The following PRRC2B variants were observed in gnomAD, a reference collection of about 807,000 sequenced individuals.
PRRC2B encodes the protein proline rich coiled-coil 2B, also known as protein PRRC2B.
PRRC2B carries 68 observed loss-of-function variants against 242.3 expected under a neutral mutation model. The observed-to-expected ratio is 0.28, with a 90% CI of 0.23 to 0.34. The LOEUF (loss-of-function observed/expected upper bound fraction) is 0.34, where lower values mean the gene tolerates loss of function less well. PRRC2B is among the 10% of genes least tolerant of loss of function. The pLI, the probability that PRRC2B is intolerant of heterozygous loss-of-function variation, is 1.00. For synonymous variants in PRRC2B, 1,228 were observed against 1,173.6 expected, an observed-to-expected ratio of 1.05 and a Z score of -0.95; for missense variants, 2,835 against 2,954.8, an observed-to-expected ratio of 0.96 and a Z score of 0.94.
intron 1 of PRRC2B, among the ~76,000 whole-genome samples, chr9:131,404,117 A>G (rs1264069856): frequency 1.3e-5 from 2 of 152,084 alleles, no homozygotes; most frequent in African/African-American, 2.4e-5. Context: ...CTGCCACACT[A>G]AGTGTTTTAA....
At chr9:131,399,179 A>AG (rs925741678) in intron 1 of PRRC2B, among the ~76,000 whole-genome samples, 27 of 147,622 alleles carry the variant, frequency 1.8e-4, no homozygotes, top group African/African-American at 6.8e-4. Context: ...AGGAGGGGTG[A>AG]GGCTGGAGAA....
Position 131,485,132 on chromosome 9 carries a change from C to A in PRRC2B, c.5750C>A (p.Ser1917Tyr). The change falls in exon 25 of 32, where the codon TCT becomes TAT. Residue 1917 changes from serine (S) to tyrosine (Y), a missense_variant. Around this residue, in one of 7 missense-constraint regions of PRRC2B, gnomAD observed 574 missense variants for 626.0 expected, o/e 0.92. Coordinates refer to ENST00000683519, the MANE Select transcript of PRRC2B (RefSeq NM_013318.4). ...MPVASVAPSA[S>Y]MPGSHLPPLY... ...GTGGCCTCTGTAGCACCTTCTGCTT[C>A]TATGCCAGGTATCTCATCCCCTGAG... is the stretch of plus-strand genomic sequence containing the variant. 6.3e-7 allele frequency: 1 copy of A among 1,583,808 alleles called. No individual in the cohort carries two copies. The highest frequency in any genetic ancestry group is 2.3e-5 in the East Asian group (1 of 43,612).
chr9:131,395,992 T>A (rs1254296378), intron 1 of PRRC2B, among the ~76,000 whole-genome samples: 1 of 152,196 alleles, frequency 6.6e-6, no homozygotes, highest in African/African-American at 2.4e-5. Context: ...TCTACTTGTT[T>A]GGGCAAGTGT....
chr9:131,463,363 T>C (rs1448657604), intron 11 of PRRC2B, among the ~76,000 whole-genome samples: 1 of 152,208 alleles, frequency 6.6e-6, no homozygotes, highest in Middle Eastern at 3.2e-3. Context: ...GCCTAGATCC[T>C]GTTTCCTTGA....
At chr9:131,413,253 G>A (rs898821403) in intron 1 of PRRC2B, among the ~76,000 whole-genome samples, 2 of 151,996 alleles carry the variant, frequency 1.3e-5, no homozygotes, top group African/African-American at 4.8e-5. Context: ...GTTCTCCTCT[G>A]CCTTCGCCTC....
intron 1 of PRRC2B, among the ~76,000 whole-genome samples, chr9:131,399,779 T>C (rs930841383): frequency 4.6e-5 from 7 of 152,192 alleles, no homozygotes; most frequent in African/African-American, 7.2e-5. Context: ...TTTAATGTTA[T>C]AGTGTATTCC....
At chr9:131,459,379 C>A (rs1258498742) in intron 11 of PRRC2B, 23 bp downstream of exon 11, 2 of 1,597,274 alleles carry the variant, frequency 1.3e-6, no homozygotes, top group Admixed American at 1.8e-5. Context: ...CTTGGCTGTC[C>A]TGTGTATTTG....
chr9:131,430,593 GTGTATATA>G (rs1838130929), intron 2 of PRRC2B, among the ~76,000 whole-genome samples: 2 of 135,844 alleles, frequency 1.5e-5, no homozygotes, highest in Admixed American at 1.4e-4. Flanking sequence ...GTGTGTGTGT[GTGTATATA>G]TATGTTTTGG....
At chr9:131,480,953 T>G (rs1418701878) in intron 19 of PRRC2B, among the ~76,000 whole-genome samples, 1 of 151,750 alleles carries the variant, frequency 6.6e-6, no homozygotes, top group Non-Finnish European at 1.5e-5. Context: ...TGAAGATCAC[T>G]TGAGATCAGG....
At chr9:131,471,182 G>C (rs1165205127) in intron 14 of PRRC2B, among the ~76,000 whole-genome samples, 199 bp downstream of exon 14, 1 of 152,216 alleles carries the variant, frequency 6.6e-6, no homozygotes, top group Non-Finnish European at 1.5e-5. Flanking sequence ...TGTTGGGAAA[G>C]TCATGAAGAT....
chr9:131,420,496 T>TCCTTCTTTCTTTCTTTCTTTC (rs59621148), intron 1 of PRRC2B, among the ~76,000 whole-genome samples: 1 of 75,898 alleles, frequency 1.3e-5, no homozygotes, highest in Admixed American at 1.3e-4. Flanking sequence ...TTTCTTTCTT[T>TCCTTCTTTCTTTCTTTCTTTC]TTTTTTTTTT....
At chr9:131,467,871 T>A in intron 13 of PRRC2B, 118 bp downstream of exon 13, 1 of 1,043,516 alleles carries the variant, frequency 9.6e-7, no homozygotes, top group South Asian at 1.6e-5. Flanking sequence ...ATATCCCTTA[T>A]GTGCCCCCAA....
At chr9:131,469,733 G>A (rs1341468960) in intron 13 of PRRC2B, among the ~76,000 whole-genome samples, 1 of 152,212 alleles carries the variant, frequency 6.6e-6, no homozygotes, top group Admixed American at 6.5e-5. Context: ...ATTAGCGCCC[G>A]AGGTCACTGA....
intron 1 of PRRC2B, among the ~76,000 whole-genome samples, chr9:131,419,974 T>C (rs1163575754): frequency 2.0e-5 from 3 of 152,066 alleles, no homozygotes; most frequent in Non-Finnish European, 4.4e-5. Flanking sequence ...CAGCTGACCA[T>C]GTGGTTCCGG....
chr9:131,465,007 A>C lies in PRRC2B; in HGVS notation c.1649A>C (p.Glu550Ala). 1 of 1,613,996 alleles carries C rather than the reference A, an allele frequency of 6.2e-7. No homozygotes were observed. The highest frequency in any genetic ancestry group is 8.5e-7 in the Non-Finnish European group (1 of 1,179,898). The change falls in exon 12 of 32, where the codon GAG (glutamate) becomes GCG (alanine). Residue 550 changes from glutamate (E) to alanine (A), a missense_variant. By Grantham distance (107) the Glu-to-Ala change is moderately radical (BLOSUM62 -1). Around this residue, in one of 7 missense-constraint regions of PRRC2B, gnomAD observed 1,536 missense variants for 1,483.1 expected, o/e 1.04. Coordinates refer to ENST00000683519, the MANE Select transcript of PRRC2B (RefSeq NM_013318.4). ...RKAGEARKQAEKEVPWSPSAE... is the reference protein window; with the variant it reads ...RKAGEARKQAAKEVPWSPSAE... The stretch of plus-strand genomic sequence containing the variant: ...GCAGGTGAGGCCCGGAAGCAGGCAG[A>C]GAAGGAAGTGCCCTGGTCTCCAAGT...
At chr9:131,398,233 C>T (rs1057381128) in intron 1 of PRRC2B, among the ~76,000 whole-genome samples, 5 of 152,162 alleles carry the variant, frequency 3.3e-5, no homozygotes, top group African/African-American at 9.7e-5. Context: ...CTGGGTGGCA[C>T]GTGGGAAATC....
At chr9:131,424,685 CAAAA>C (rs954170165) in intron 1 of PRRC2B, among the ~76,000 whole-genome samples, 1 of 151,474 alleles carries the variant, frequency 6.6e-6, no homozygotes, top group African/African-American at 2.4e-5. Flanking sequence ...GCCTCTGTCT[CAAAA>C]AAAGAAAAGA....
At chr9:131,478,642 G>GGGGGGGGGGGGGGGGCC in intron 18 of PRRC2B, 23 bp downstream of exon 18, 5 of 481,998 alleles carry the variant, frequency 1.0e-5, no homozygotes, top group Non-Finnish European at 2.1e-5. Context: ...GGGTGGGGGG[G>GGGGGGGGGGGGGGGGCC]CATGGGGCTG....
Position 131,473,701 on chromosome 9 carries a change from C to T in PRRC2B, c.2301C>T (p.Thr767=). 6.2e-7 allele frequency: 1 copy of T among 1,613,466 alleles called. No homozygotes were observed. The highest frequency in any genetic ancestry group is 8.5e-7 in the Non-Finnish European group (1 of 1,179,726). ...YPLPHPKSSD[T]LAMDMRVRNE... ...TCCCGCACCCGAAGTCGAGTGACACCTTGGCTATGGACATGCGTGTCAGGT... is the reference window on the plus strand; with the variant it reads ...TCCCGCACCCGAAGTCGAGTGACACTTTGGCTATGGACATGCGTGTCAGGT... The change falls in exon 15 of 32, where the codon ACC becomes ACT. Residue 767 remains threonine (T), a synonymous_variant. Transcript: ENST00000683519.
Sources: allele counts gnomAD v4.1 joint callset (sites outside exome capture counted in the v4.1 genomes callset), GRCh38; gene constraint gnomAD v4.1.1; regional missense constraint gnomAD v4.1.1; transcripts MANE v1.5; gene names NCBI Gene and HGNC (gene_info 2026-07-23, HGNC 2026-07-21).